The following DSCAM variants were observed in gnomAD, a reference collection of about 807,000 sequenced individuals.
The protein encoded by DSCAM is DS cell adhesion molecule, also known as cell adhesion molecule DSCAM.
In DSCAM, 47 loss-of-function variants were observed where a neutral mutation model predicts 217.7. The observed-to-expected ratio is 0.22, with a 90% CI of 0.17 to 0.28. The LOEUF is 0.28. Ranked by LOEUF, DSCAM falls within the 10% of genes least tolerant of loss-of-function variation. The pLI is 1.00. For synonymous variants in DSCAM, 1,056 were observed against 1,015.3 expected, an observed-to-expected ratio of 1.04 and a Z score of -0.76; for missense variants, 2,080 against 2,618.3, an observed-to-expected ratio of 0.79 and a Z score of 4.49.
intron 1 of DSCAM, among the ~76,000 whole-genome samples, chr21:40,779,524 T>G (rs2091520919): frequency 6.6e-6 from 1 of 152,280 alleles, no homozygotes; most frequent in African/African-American, 2.4e-5. Flanking sequence ...CAGTTTACAA[T>G]AGGGAATAAG....
intron 16 of DSCAM, among the ~76,000 whole-genome samples, chr21:40,156,110 G>T (rs1243786305): frequency 5.3e-5 from 8 of 151,210 alleles, no homozygotes. Context: ...ATAACTAAGA[G>T]AACCCTTAAG....
At chr21:40,572,093 T>G (rs1011629141) in intron 3 of DSCAM, among the ~76,000 whole-genome samples, 1 of 140,724 alleles carries the variant, frequency 7.1e-6, no homozygotes, top group African/African-American at 3.0e-5. Context: ...TGGGTGTGTG[T>G]GTGTGTGTGT....
chr21:40,578,660 T>A (rs1601760638), intron 3 of DSCAM, among the ~76,000 whole-genome samples: 1 of 152,172 alleles, frequency 6.6e-6, no homozygotes, highest in Non-Finnish European at 1.5e-5. Context: ...TTGCTGCCAC[T>A]CACTTTTTGG....
intron 1 of DSCAM, among the ~76,000 whole-genome samples, chr21:40,716,262 CT>C (rs1050655263): frequency 3.9e-5 from 6 of 152,208 alleles, no homozygotes; most frequent in African/African-American, 1.4e-4. Context: ...TTTCTTCCAT[CT>C]AAGGGACCAT....
intron 11 of DSCAM, among the ~76,000 whole-genome samples, chr21:40,196,237 G>C (rs2091006641): frequency 6.6e-6 from 1 of 152,134 alleles, no homozygotes; most frequent in Non-Finnish European, 1.5e-5. Context: ...GGTGAGGAAG[G>C]GGCCTGGGAG....
chr21:40,262,771 A>G (rs571810645), intron 11 of DSCAM, among the ~76,000 whole-genome samples: 6 of 152,358 alleles, frequency 3.9e-5, no homozygotes, highest in South Asian at 4.1e-4. Context: ...AGGTACAAGG[A>G]CAGCAGTTTG....
At chr21:40,573,648 A>C (rs970252032) in intron 3 of DSCAM, among the ~76,000 whole-genome samples, 6 of 152,128 alleles carry the variant, frequency 3.9e-5, no homozygotes, top group Non-Finnish European at 7.4e-5. Context: ...ATAAGAAAGG[A>C]AATAATAAAA....
intron 3 of DSCAM, among the ~76,000 whole-genome samples, chr21:40,530,344 A>C (rs2076433649): frequency 6.6e-6 from 1 of 152,238 alleles, no homozygotes; most frequent in South Asian, 2.1e-4. Context: ...CTACAGGTTA[A>C]AAAAAGTTTT....
rs144120563 is a variant in DSCAM at position 40,497,584 on chromosome 21, T to C, written c.509-128339A>G. On this transcript the variant is annotated intron_variant, in intron 3 of 32. Transcript: ENST00000400454. ...GGTGACTGCAATTAATAACAACATA[T>C]TGTATTCCTGAAAAGCCCTTAGAGT... Among the ~76,000 whole-genome samples the C allele has an allele frequency of 5.3e-5, 8 of 152,276 alleles. No homozygotes were observed. In the South Asian group the frequency reaches 1.0e-3, roughly 20 times the overall value.
chr21:40,338,196 T>C lies in DSCAM; in HGVS notation c.1688A>G (p.Asp563Gly). The change falls in exon 8 of 33, where the codon GAT becomes GGT. Residue 563 changes from aspartate (D) to glycine (G), a missense_variant. By Grantham distance (94) the Asp-to-Gly change is moderately conservative. This residue lies in a region of DSCAM where 218 missense variants were observed against 364.1 expected (regional missense o/e 0.60). Transcript: ENST00000400454. ...CCCCTCGTCCACTTCCTTTTGCACA[T>C]CTGAAAGTTTAAGAGTTCCATTGTT... is the stretch of plus-strand genomic sequence containing the variant. ...FENNGTLKLS[D>G]VQKEVDEGEY... 2 of 1,614,244 alleles carry C rather than the reference T, an allele frequency of 1.2e-6. No homozygotes were observed. The highest frequency in any genetic ancestry group is 1.7e-6 in the Non-Finnish European group (2 of 1,180,048).
chr21:40,325,669 G>A (rs1005170513), intron 8 of DSCAM, among the ~76,000 whole-genome samples: 5 of 152,150 alleles, frequency 3.3e-5, no homozygotes, highest in Non-Finnish European at 7.4e-5. Flanking sequence ...TCTCCTGAGA[G>A]TATAAAAAGA....
chr21:40,414,949 C>A (rs1380929612), intron 3 of DSCAM, among the ~76,000 whole-genome samples: 1 of 152,092 alleles, frequency 6.6e-6, no homozygotes. Flanking sequence ...TTCTTACCCT[C>A]AATAAAATAT....
At chr21:40,361,872 C>G (rs2074770346) in intron 4 of DSCAM, among the ~76,000 whole-genome samples, 2 of 152,144 alleles carry the variant, frequency 1.3e-5, no homozygotes, top group Admixed American at 6.5e-5. Flanking sequence ...GTTGTTACAT[C>G]TCTTGAGTGT....
chr21:40,591,599 A>C (rs919366064), intron 3 of DSCAM, among the ~76,000 whole-genome samples: 6 of 152,174 alleles, frequency 3.9e-5, no homozygotes. Flanking sequence ...ACTAGGGTTA[A>C]ATTTCTTGGA....
chr21:40,196,458 T>G (rs1368694626), intron 11 of DSCAM, among the ~76,000 whole-genome samples: 2 of 151,954 alleles, frequency 1.3e-5, no homozygotes, highest in African/African-American at 4.8e-5. Flanking sequence ...GGGGTGGGGG[T>G]TATGCATGGA....
chr21:40,448,119 C>T (rs767718581), intron 3 of DSCAM, among the ~76,000 whole-genome samples: 2 of 152,106 alleles, frequency 1.3e-5, no homozygotes, highest in Non-Finnish European at 2.9e-5. Flanking sequence ...TTGTGTGTGT[C>T]AACTTGACTG....
chr21:40,836,060 C>G (rs951719818), intron 1 of DSCAM, among the ~76,000 whole-genome samples: 2 of 152,194 alleles, frequency 1.3e-5, no homozygotes, highest in Non-Finnish European at 2.9e-5. Context: ...TGTGCAGCAT[C>G]CCAAGGCGGC....
intron 3 of DSCAM, among the ~76,000 whole-genome samples, chr21:40,446,983 G>A (rs917082964): frequency 1.3e-5 from 2 of 152,150 alleles, no homozygotes; most frequent in African/African-American, 2.4e-5. Context: ...TACTGATGAG[G>A]TAGCCTGTCT....
rs563857844 is a variant in DSCAM, at chr21:40,722,033, T to TA, written c.44-13263dup. Among the ~76,000 whole-genome samples, 793 of 151,760 alleles carry TA rather than the reference T, an allele frequency of 5.2e-3. 3 individuals are homozygous for TA. Among genetic ancestry groups the TA allele is most frequent in the African/African-American group, 0.018 (740 of 41,430 alleles). On this transcript the variant is annotated intron_variant, in intron 1 of 32. Coordinates refer to ENST00000400454, the MANE Select transcript of DSCAM (RefSeq NM_001389.5). ...GGGAGAGAAATTTGAAGCATTTTTT[T>TA]AAAAAAAAGACAGGAAAGAAAAACT...
Sources: allele counts gnomAD v4.1 joint callset (sites outside exome capture counted in the v4.1 genomes callset), GRCh38; gene constraint gnomAD v4.1.1; regional missense constraint gnomAD v4.1.1; transcripts MANE v1.5; gene names NCBI Gene and HGNC (gene_info 2026-07-23, HGNC 2026-07-21).